XPO4: variants seen among roughly 807,000 people sequenced by gnomAD.
XPO4 encodes the protein exportin-4.
A neutral mutation model predicts 143.0 loss-of-function variants in XPO4; 39 were observed. The ratio of observed to expected loss-of-function variants is 0.27; its 90% confidence interval spans 0.21 to 0.36. XPO4 has a LOEUF of 0.36. XPO4 is among the 10% of genes least tolerant of loss of function. The pLI is 1.00. For missense variants in XPO4, 907 were observed against 1,348.0 expected (o/e 0.67, Z 5.12); for synonymous variants, 439 against 474.0 (o/e 0.93, Z 0.96).
intron 1 of XPO4, among the ~76,000 whole-genome samples, chr13:20,888,296 T>G (rs1358089906): frequency 6.6e-6 from 1 of 152,138 alleles, no homozygotes; most frequent in African/African-American, 2.4e-5. Context: ...TTTTACTACA[T>G]TGCCCCAAGT....
chr13:20,886,339 G>A (rs546392530), intron 1 of XPO4, among the ~76,000 whole-genome samples: 10 of 152,196 alleles, frequency 6.6e-5, no homozygotes, highest in African/African-American at 1.7e-4. Flanking sequence ...CAGGCTGGGC[G>A]CGTGGCTCAC....
intron 12 of XPO4, among the ~76,000 whole-genome samples, chr13:20,808,169 G>A (rs1241404892): frequency 6.6e-6 from 1 of 151,978 alleles, no homozygotes; most frequent in Non-Finnish European, 1.5e-5. Flanking sequence ...GGATAATGAC[G>A]ATGATGATGA....
intron 10 of XPO4, among the ~76,000 whole-genome samples, chr13:20,809,555 A>G (rs2059551363): frequency 6.6e-6 from 1 of 152,162 alleles, no homozygotes; most frequent in African/African-American, 2.4e-5. Flanking sequence ...CATGGCCCAA[A>G]TTATTCATAT....
At chr13:20,898,644 T>C (rs2060591517) in intron 1 of XPO4, among the ~76,000 whole-genome samples, 1 of 152,174 alleles carries the variant, frequency 6.6e-6, no homozygotes, top group African/African-American at 2.4e-5. Context: ...CTATCTTATA[T>C]TATTGCTACA....
At chr13:20,856,437 A>C in intron 3 of XPO4, 1 of 752,216 alleles carries the variant, frequency 1.3e-6, no homozygotes, top group Non-Finnish European at 1.6e-6. Flanking sequence ...AGGGCACAGA[A>C]ACTTAATTGA....
intron 1 of XPO4, among the ~76,000 whole-genome samples, chr13:20,872,550 T>C (rs904765476): frequency 6.6e-6 from 1 of 152,082 alleles, no homozygotes; most frequent in Non-Finnish European, 1.5e-5. Context: ...TTATTTTAGA[T>C]AGATACATAC....
intron 1 of XPO4, among the ~76,000 whole-genome samples, chr13:20,891,870 A>AAAG (rs1453797650): frequency 6.6e-6 from 1 of 151,690 alleles, no homozygotes; most frequent in East Asian, 1.9e-4. Context: ...CTCCAAAAAA[A>AAAG]AAAAAAAAGA....
chr13:20,806,901 T>G (rs1334116028), intron 13 of XPO4, among the ~76,000 whole-genome samples: 1 of 152,116 alleles, frequency 6.6e-6, no homozygotes, highest in Non-Finnish European at 1.5e-5. Context: ...CATTAAGAAT[T>G]AACGAAAATT....
rs35316180 is a variant in XPO4 at position 20,833,695 on chromosome 13, GA to G, written c.728-6517del. 6.6e-5 allele frequency among the ~76,000 whole-genome samples: 10 copies of G among 152,010 alleles called. No individual in the cohort carries two copies. In the South Asian group the frequency reaches 1.7e-3, roughly 25 times the overall value. ...ACAGCTGAGAAGGGAGCCAAATGGG[GA>G]AAAAATCATATACAACATGCATAGG... On this transcript the variant is annotated intron_variant, in intron 6 of 22. Transcript: ENST00000255305.
intron 4 of XPO4, 118 bp downstream of exon 4, chr13:20,855,509 C>A: frequency 1.9e-6 from 2 of 1,030,378 alleles, no homozygotes; most frequent in Admixed American, 3.9e-5. Flanking sequence ...ATGAAAATTG[C>A]TTGACTGATA....
At chr13:20,852,286 C>G (rs1469955192) in intron 4 of XPO4, 19 of 985,292 alleles carry the variant, frequency 1.9e-5, no homozygotes, top group Non-Finnish European at 2.2e-5. Context: ...ACAAGATGTT[C>G]TTAAGTGAAA....
chr13:20,892,381 C>T (rs1202641805), intron 1 of XPO4, among the ~76,000 whole-genome samples: 3 of 150,864 alleles, frequency 2.0e-5, no homozygotes, highest in African/African-American at 7.5e-5. Context: ...AGCCACCATG[C>T]CCAGCCAAAT....
chr13:20,859,537 T>G lies in XPO4; in HGVS notation c.317+3180A>C, dbSNP rs533467274. Among the ~76,000 whole-genome samples, 15 of 152,084 alleles carry G rather than the reference T, an allele frequency of 9.9e-5. 1 individual carries two copies. The South Asian group carries it at 2.3e-3, about 23-fold the overall frequency. On this transcript the variant is annotated intron_variant, in intron 3 of 22. Coordinates refer to ENST00000255305, the MANE Select transcript of XPO4 (RefSeq NM_022459.5). ...ATGGCGTAAACCCAGCAGGTGGAGC[T>G]TTCAGTGAGCGGAGATCACGCCACT...
chr13:20,799,226 G>C lies in XPO4; in HGVS notation c.2261C>G (p.Ala754Gly). 1 of 1,613,488 alleles carries C rather than the reference G, an allele frequency of 6.2e-7. No individual in the cohort carries two copies. Among genetic ancestry groups the C allele is most frequent in the Non-Finnish European group, 8.5e-7 (1 of 1,179,566 alleles). ...SSPVQRTLMK[A>G]LVLGGFAHMD... ...ATGTGCAAAACCTCCTAAGACTAGAGCCTTCATCAATGTCCTCTGCACAGG... is the reference window on the plus strand; with the variant it reads ...ATGTGCAAAACCTCCTAAGACTAGACCCTTCATCAATGTCCTCTGCACAGG... The change falls in exon 16 of 23, where the codon GCT becomes GGT. Residue 754 changes from alanine to glycine, a missense_variant. Physicochemically the swap from Ala to Gly is moderately conservative, Grantham distance 60. Transcript: ENST00000255305.
intron 18 of XPO4, among the ~76,000 whole-genome samples, chr13:20,792,236 A>G (rs2059292088): frequency 6.6e-6 from 1 of 152,154 alleles, no homozygotes; most frequent in African/African-American, 2.4e-5. Flanking sequence ...CCCTGAGGCC[A>G]GGAGTTCGAG....
chr13:20,850,691 G>C, intron 4 of XPO4: 1 of 621,976 alleles, frequency 1.6e-6, no homozygotes, highest in Non-Finnish European at 2.0e-6. Flanking sequence ...CTTGAGCCCA[G>C]GTGATCGAGG....
chr13:20,898,098 T>C (rs1243493042), intron 1 of XPO4, among the ~76,000 whole-genome samples: 1 of 152,184 alleles, frequency 6.6e-6, no homozygotes, highest in African/African-American at 2.4e-5. Context: ...TCCTATTTAC[T>C]TCACAGGACT....
At chr13:20,902,298 C>A in intron 1 of XPO4, 2 of 985,436 alleles carry the variant, frequency 2.0e-6, no homozygotes, top group Non-Finnish European at 2.4e-6. Context: ...AGCGCTCACA[C>A]AGCCCTACAA....
intron 6 of XPO4, among the ~76,000 whole-genome samples, chr13:20,835,659 G>A (rs764807267): frequency 4.6e-5 from 7 of 152,192 alleles, no homozygotes; most frequent in Non-Finnish European, 8.8e-5. Flanking sequence ...CCCTTGAGCT[G>A]TCAGTTGATG....
Sources: allele counts gnomAD v4.1 joint callset (sites outside exome capture counted in the v4.1 genomes callset), GRCh38; gene constraint gnomAD v4.1.1; transcripts MANE v1.5; gene names NCBI Gene and HGNC (gene_info 2026-07-23, HGNC 2026-07-21).